Variants in PITPNM2 observed in about 807,000 individuals in gnomAD.
PITPNM2 encodes membrane-associated phosphatidylinositol transfer protein 2.
In PITPNM2, 35 loss-of-function variants were observed where a neutral mutation model predicts 132.2. The ratio of observed to expected loss-of-function variants is 0.26; its 90% CI spans 0.20 to 0.35. PITPNM2 has a LOEUF of 0.35. Ranked by LOEUF, PITPNM2 falls within the 10% of genes least tolerant of loss-of-function variation. PITPNM2 has a pLI of 1.00. For synonymous variants in PITPNM2, 738 were observed against 799.2 expected, an observed-to-expected ratio of 0.92 and a Z score of 1.29; for missense variants, 1,332 against 1,912.0, an observed-to-expected ratio of 0.70 and a Z score of 5.66.
chr12:123,109,962 T>C, intron 2 of PITPNM2, among the ~76,000 whole-genome samples: 1 of 152,294 alleles, frequency 6.6e-6, no homozygotes, highest in Non-Finnish European at 1.5e-5. Flanking sequence ...GTCAGGTTTA[T>C]AGTGTCTTTT....
intron 2 of PITPNM2, among the ~76,000 whole-genome samples, chr12:123,094,814 C>T (rs952110508): frequency 6.6e-6 from 1 of 152,186 alleles, no homozygotes; most frequent in Non-Finnish European, 1.5e-5. Flanking sequence ...GACTGACCGA[C>T]CTCCTGGCTC....
intron 2 of PITPNM2, among the ~76,000 whole-genome samples, chr12:123,061,189 C>A (rs181189673): frequency 6.6e-6 from 1 of 152,314 alleles, no homozygotes; most frequent in African/African-American, 2.4e-5. Flanking sequence ...CAGTTGACTT[C>A]TTTACACTCA....
chr12:123,146,376 C>T lies in PITPNM2; in HGVS notation c.-200+4377G>A, dbSNP rs545857513. Among the ~76,000 whole-genome samples the T allele has an allele frequency of 1.4e-4, 22 of 152,184 alleles. No homozygotes were observed. The East Asian group carries it at 4.3e-3, about 29-fold the overall frequency. On this transcript the variant is annotated intron_variant, in intron 1 of 25. Coordinates refer to ENST00000320201, the MANE Select transcript of PITPNM2 (RefSeq NM_020845.3). The stretch of plus-strand genomic sequence containing the variant: ...TTGGGAGGCCAAGGTGGGCGGATCA[C>T]TGGAGGTCAGGAGTTCGAGACCAGC...
chr12:122,989,201 C>T (rs1262039506), intron 18 of PITPNM2, among the ~76,000 whole-genome samples: 1 of 152,218 alleles, frequency 6.6e-6, no homozygotes, highest in Admixed American at 6.5e-5. Context: ...AACCCCATCT[C>T]TGCCCTCTCT....
At chr12:123,136,739 T>C (rs2043390211) in intron 1 of PITPNM2, among the ~76,000 whole-genome samples, 1 of 151,648 alleles carries the variant, frequency 6.6e-6, no homozygotes, top group African/African-American at 2.4e-5. Flanking sequence ...CTACTAAAAA[T>C]ACAAAAAATT....
chr12:123,118,526 T>C (rs528753187), intron 1 of PITPNM2, among the ~76,000 whole-genome samples: 2 of 152,328 alleles, frequency 1.3e-5, no homozygotes, highest in African/African-American at 2.4e-5. Flanking sequence ...GAGGGAAATA[T>C]GCTGGGTCAC....
rs1250369251 is a variant in PITPNM2 at position 122,985,415 on chromosome 12, T to A, written c.*612A>T. Reference sequence around the variant, plus strand: ...GGGTGCAGAAATTAAGATACAGCCTTTCTCTCCTGCTTGCACGAGGCTCTG... The same window carrying A: ...GGGTGCAGAAATTAAGATACAGCCTATCTCTCCTGCTTGCACGAGGCTCTG... On this transcript the variant is annotated 3_prime_UTR_variant, in exon 26 of 26. Coordinates refer to ENST00000320201, the MANE Select transcript of PITPNM2 (RefSeq NM_020845.3). 1 of 152,286 alleles carries A rather than the reference T, an allele frequency of 6.6e-6. No individual in the cohort carries two copies. Among genetic ancestry groups the A allele is most frequent in the African/African-American group, 2.4e-5 (1 of 41,322 alleles). 9.4% of individuals were successfully genotyped at this position (152,286 alleles called of 1,614,324 possible).
chr12:123,139,659 CT>C (rs2043461028), intron 1 of PITPNM2, among the ~76,000 whole-genome samples: 1 of 152,202 alleles, frequency 6.6e-6, no homozygotes, highest in Non-Finnish European at 1.5e-5. Context: ...CATTTTCTCT[CT>C]GCATCTGAGG....
At chr12:122,991,536 C>T (rs376926249) in intron 16 of PITPNM2, among the ~76,000 whole-genome samples, 4 of 152,338 alleles carry the variant, frequency 2.6e-5, no homozygotes, top group African/African-American at 4.8e-5. Context: ...TGAGCTGCTG[C>T]GCCCCTTTGC....
intron 3 of PITPNM2, among the ~76,000 whole-genome samples, chr12:123,024,564 C>T (rs1366852894): frequency 1.3e-5 from 2 of 152,118 alleles, no homozygotes; most frequent in African/African-American, 4.8e-5. Flanking sequence ...CTGTGGTCTA[C>T]CATGGAATGG....
At position 123,071,520 on chromosome 12, in the gene PITPNM2, C is replaced by T. The variant is rs76043792; in HGVS notation, c.-95-36835G>A. Among the ~76,000 whole-genome samples the T allele has an allele frequency of 7.2e-3, 1,094 of 152,282 alleles. 12 individuals carry two copies. Among genetic ancestry groups the T allele is most frequent in the African/African-American group, 0.024 (1,006 of 41,558 alleles). ...GGTGGCTGGCAGGGTACAAACGGCT[C>T]GATGATCACACCTCCTGACAGAAAG... is the stretch of plus-strand genomic sequence containing the variant. On this transcript the variant is annotated intron_variant, in intron 2 of 25. Transcript: ENST00000320201.
Position 123,061,408 on chromosome 12 carries a change from G to A in PITPNM2, c.-95-26723C>T, listed in dbSNP as rs558345858. Among the ~76,000 whole-genome samples the A allele has an allele frequency of 1.2e-4, 19 of 152,362 alleles. 1 individual carries two copies. The South Asian group carries it at 3.9e-3, about 32-fold the overall frequency. On this transcript the variant is annotated intron_variant, in intron 2 of 25. Transcript: ENST00000320201. ...GAGGAAACAGGAAACAAGCTCTGGA[G>A]AGGTCTGCTGACGTGCCTACAATCC... is the stretch of plus-strand genomic sequence containing the variant.
intron 10 of PITPNM2, among the ~76,000 whole-genome samples, chr12:122,998,657 A>C (rs1038947300): frequency 6.6e-6 from 1 of 152,164 alleles, no homozygotes; most frequent in African/African-American, 2.4e-5. Flanking sequence ...CCTGCCTCCA[A>C]GAACCCGAGG....
At chr12:123,091,577 C>G (rs2042271310) in intron 2 of PITPNM2, 2 of 152,140 alleles carry the variant, frequency 1.3e-5, no homozygotes, top group African/African-American at 4.8e-5. Flanking sequence ...GTATCACCAC[C>G]CCCAGGACCA....
At chr12:123,093,209 C>T (rs2042315051) in intron 2 of PITPNM2, among the ~76,000 whole-genome samples, 1 of 152,012 alleles carries the variant, frequency 6.6e-6, no homozygotes, top group African/African-American at 2.4e-5. Context: ...TTGCCAGGGG[C>T]TGGGGGTTTG....
In PITPNM2 at chr12:123,083,454, C is replaced by T. The variant is rs938874111; in HGVS notation, c.-96+26931G>A. 2.0e-5 allele frequency: 3 copies of T among 152,254 alleles called. No homozygotes were observed. The highest frequency in any genetic ancestry group is 6.5e-5 in the Admixed American group (1 of 15,286). 9.4% of individuals were successfully genotyped at this position (152,254 alleles called of 1,614,324 possible). On this transcript the variant is annotated intron_variant, in intron 2 of 25. Coordinates refer to ENST00000320201, the MANE Select transcript of PITPNM2 (RefSeq NM_020845.3). This position sits in a 1 kb window ranked among gnomAD's most constrained non-coding sequence, Gnocchi z 4.5. ...CCCACTGTAGACTAACTCCTGGTCC[C>T]ACCCTACGGCTTTGGAACTGAAGCC...
In PITPNM2 at chr12:122,992,335, A is replaced by ACCCCCAC; in HGVS notation, c.2404+157_2404+163dup. Among the ~76,000 whole-genome samples the ACCCCCAC allele has an allele frequency of 7.9e-6, 1 of 126,098 alleles. No individual in the cohort carries two copies. Among genetic ancestry groups the ACCCCCAC allele is most frequent in the African/African-American group, 2.9e-5 (1 of 34,022 alleles). 82.7% of individuals were successfully genotyped at this position (126,098 alleles called of 152,430 possible). On this transcript the variant is annotated intron_variant, in intron 16 of 25. Transcript: ENST00000320201. This position sits in a 1 kb window ranked among gnomAD's most constrained non-coding sequence, Gnocchi z 6.5. The stretch of plus-strand genomic sequence containing the variant: ...AGGGATCAGTGCGGAGGGATGCACC[A>ACCCCCAC]CCCCCACCCCCCACCCCCAACAGCT...
rs761948197 is a variant in PITPNM2 at position 122,997,466 on chromosome 12, G to A, written c.1331C>T (p.Ser444Phe). The change falls in exon 11 of 26, where the codon TCC (serine) becomes TTC (phenylalanine). Residue 444 changes from serine (S) to phenylalanine (F), a missense_variant. Coordinates refer to ENST00000320201, the MANE Select transcript of PITPNM2 (RefSeq NM_020845.3). ...ILDTGAGDPS[S>F]KKGDANTIAN... Reference sequence around the variant, plus strand: ...GATGGTGTTAGCATCGCCCTTCTTGGAGCTGGGGTCCCCGGCGCCTGTGTC... The same window carrying A: ...GATGGTGTTAGCATCGCCCTTCTTGAAGCTGGGGTCCCCGGCGCCTGTGTC... The A allele has an allele frequency of 6.2e-7, 1 of 1,613,582 alleles. No homozygotes were observed. The highest frequency in any genetic ancestry group is 8.5e-7 in the Non-Finnish European group (1 of 1,180,008).
rs1302305693 is a variant in PITPNM2, at chr12:122,984,320, A to G, written c.*1707T>C. 6.5e-6 allele frequency: 1 copy of G among 152,672 alleles called. No individual in the cohort carries two copies. Among genetic ancestry groups the G allele is most frequent in the East Asian group, 1.9e-4 (1 of 5,206 alleles). The allele number at this position is 152,672 out of a possible 1,614,324, so 9.5% of individuals were successfully genotyped here. A position where few individuals can be genotyped will look rare whatever the true frequency, so the allele number is the denominator to read the frequency against. The stretch of plus-strand genomic sequence containing the variant: ...AGGTGGGGCCAAGAGAGGAGGAGGC[A>G]CTGGCCACAGGGCCCCTGACAGGGG... On this transcript the variant is annotated 3_prime_UTR_variant, in exon 26 of 26. Transcript: ENST00000320201.
Sources: gnomAD v4.1 joint callset for allele counts (sites outside exome capture counted in the v4.1 genomes callset) on GRCh38, gnomAD v4.1.1 for gene constraint, Gnocchi (gnomAD v3.1) non-coding constraint, MANE v1.5 for transcripts, NCBI Gene and HGNC (gene_info 2026-07-23, HGNC 2026-07-21) for gene names.